CDK14: variants seen among roughly 807,000 people sequenced by gnomAD.
CDK14 encodes the protein cyclin dependent kinase 14.
Under a neutral mutation model 60.7 loss-of-function variants are expected in CDK14, and 34 were observed. The observed-to-expected ratio is 0.56, with a 90% confidence interval of 0.43 to 0.75. The LOEUF (loss-of-function observed/expected upper bound fraction) is 0.75, where lower values mean the gene tolerates loss of function less well. Among genes scored for constraint, CDK14 ranks in the 30% least tolerant of loss-of-function variants. CDK14 has a pLI of 0.00. For missense variants in CDK14, 482 were observed against 564.1 expected (o/e 0.85, Z 1.47); for synonymous variants, 197 against 203.7 (o/e 0.97, Z 0.28).
intron 9 of CDK14, among the ~76,000 whole-genome samples, chr7:90,957,890 G>A (rs534734230): frequency 8.5e-5 from 13 of 152,174 alleles, no homozygotes; most frequent in African/African-American, 2.2e-4. Flanking sequence ...AGCCCGCATC[G>A]CCAAATCAAT....
At chr7:90,692,667 C>G in intron 2 of CDK14, 1 of 979,666 alleles carries the variant, frequency 1.0e-6, no homozygotes, top group Non-Finnish European at 1.2e-6. Context: ...TCTTCCTGTT[C>G]TCTGCTTCCT....
chr7:90,813,593 T>G (rs1040544632), intron 5 of CDK14, among the ~76,000 whole-genome samples: 11 of 151,796 alleles, frequency 7.2e-5, no homozygotes, highest in African/African-American at 2.7e-4. Context: ...ACTAAAAATA[T>G]TGTAAATTAG....
chr7:90,769,169 G>A (rs1284109290), intron 4 of CDK14, among the ~76,000 whole-genome samples: 1 of 152,052 alleles, frequency 6.6e-6, no homozygotes, highest in African/African-American at 2.4e-5. Flanking sequence ...TATTTTCTGG[G>A]CTAGCATTTG....
At chr7:90,628,075 C>T (rs1799912603) in intron 2 of CDK14, among the ~76,000 whole-genome samples, 1 of 152,186 alleles carries the variant, frequency 6.6e-6, no homozygotes, top group Non-Finnish European at 1.5e-5. Context: ...CCACTTCGGC[C>T]TCCCAAGTAG....
In CDK14 at chr7:91,033,119, C is replaced by T. The variant is rs1263170200; in HGVS notation, c.1042-12778C>T. ...CTCAAGTTTGCAGCTGAAGTAAAAG[C>T]ATCGTGGATGAATTGAGCATTTTTA... On this transcript the variant is annotated intron_variant, in intron 10 of 14. Transcript: ENST00000380050. 2.6e-5 allele frequency among the ~76,000 whole-genome samples: 4 copies of T among 152,136 alleles called. No homozygotes were observed. The East Asian group carries it at 7.7e-4, about 29-fold the overall frequency.
chr7:90,881,142 C>T (rs146305359), intron 6 of CDK14, among the ~76,000 whole-genome samples: 256 of 152,186 alleles, frequency 1.7e-3, no homozygotes, highest in African/African-American at 5.6e-3. Context: ...TATAAAACTA[C>T]GGTGAACTAA....
At chr7:90,922,545 G>A (rs558886481) in intron 8 of CDK14, among the ~76,000 whole-genome samples, 32 of 151,954 alleles carry the variant, frequency 2.1e-4, no homozygotes, top group African/African-American at 7.5e-4. Context: ...TTTATTTGAC[G>A]TGAACTAGAC....
chr7:90,850,137 T>C (rs1450946764), intron 5 of CDK14, among the ~76,000 whole-genome samples: 1 of 152,004 alleles, frequency 6.6e-6, no homozygotes, highest in East Asian at 1.9e-4. Flanking sequence ...ATAATCTCCC[T>C]TTGTTTGTCA....
At chr7:90,823,122 T>C (rs909241905) in intron 5 of CDK14, among the ~76,000 whole-genome samples, 3 of 152,138 alleles carry the variant, frequency 2.0e-5, no homozygotes, top group Non-Finnish European at 4.4e-5. Context: ...CTCTTTATGG[T>C]GGTTCTAGGG....
At chr7:90,786,795 T>C (rs1805601634) in intron 4 of CDK14, among the ~76,000 whole-genome samples, 1 of 151,612 alleles carries the variant, frequency 6.6e-6, no homozygotes, top group South Asian at 2.1e-4. Flanking sequence ...GGCATGGCTC[T>C]GTAGTCTCAG....
chr7:90,804,564 C>T (rs551850497), intron 5 of CDK14, among the ~76,000 whole-genome samples: 2 of 152,040 alleles, frequency 1.3e-5, no homozygotes, highest in Admixed American at 6.6e-5. Context: ...ATGTAAATTG[C>T]CACAATTGTT....
chr7:90,853,525 A>AAC (rs71526700), intron 5 of CDK14, among the ~76,000 whole-genome samples: 196 of 83,640 alleles, frequency 2.3e-3, no homozygotes, highest in African/African-American at 7.3e-3. Flanking sequence ...TAAACACACA[A>AAC]ACACACACAC....
chr7:90,637,789 A>C (rs36200282), intron 2 of CDK14, among the ~76,000 whole-genome samples: 52,066 of 103,346 alleles, frequency 0.5, 14,183 homozygotes, highest in Middle Eastern at 0.64. Flanking sequence ...TGTAGGTCCT[A>C]AGGACTTGCT....
intron 10 of CDK14, among the ~76,000 whole-genome samples, chr7:91,028,039 A>C (rs73230812): frequency 0.33 from 46,897 of 140,408 alleles, 8,332 homozygotes; most frequent in African/African-American, 0.41. Context: ...TTATCCCTCA[A>C]CCCTCTCTCA....
At chr7:90,790,101 C>T (rs201813044) in intron 4 of CDK14, among the ~76,000 whole-genome samples, 5 of 143,246 alleles carry the variant, frequency 3.5e-5, no homozygotes, top group African/African-American at 7.7e-5. Context: ...GAATTTTTTC[C>T]TTTTTTTTTT....
intron 5 of CDK14, among the ~76,000 whole-genome samples, chr7:90,800,851 T>A (rs745346926): frequency 2.6e-5 from 4 of 152,220 alleles, no homozygotes; most frequent in Non-Finnish European, 5.9e-5. Flanking sequence ...AAATTCTTGC[T>A]AGTTTTTTCC....
chr7:90,925,275 GA>G (rs1423828231), intron 8 of CDK14, among the ~76,000 whole-genome samples: 1 of 152,150 alleles, frequency 6.6e-6, no homozygotes, highest in African/African-American at 2.4e-5. Context: ...GTCAGCTGTG[GA>G]AATCTGTCCT....
chr7:90,661,290 T>C (rs1317427739), intron 2 of CDK14, among the ~76,000 whole-genome samples: 1 of 152,210 alleles, frequency 6.6e-6, no homozygotes, highest in Non-Finnish European at 1.5e-5. Flanking sequence ...ATTTCTATTT[T>C]AGAAGTGTGT....
chr7:90,912,688 A>G (rs1311649320), intron 7 of CDK14, among the ~76,000 whole-genome samples: 2 of 152,038 alleles, frequency 1.3e-5, no homozygotes, highest in Admixed American at 6.5e-5. Flanking sequence ...GTTCACTGCA[A>G]TCTCCACCTC....
Sources: gnomAD v4.1 joint callset for allele counts (sites outside exome capture counted in the v4.1 genomes callset) on GRCh38, gnomAD v4.1.1 for gene constraint, MANE v1.5 for transcripts, NCBI Gene and HGNC (gene_info 2026-07-23, HGNC 2026-07-21) for gene names.